Variants in MYO10 observed in about 807,000 individuals in gnomAD.
The protein encoded by MYO10 is myosin X.
Under a neutral mutation model 257.3 loss-of-function variants are expected in MYO10, and 133 were observed. That is an observed-to-expected ratio of 0.52 (90% CI 0.45 to 0.60). The LOEUF (loss-of-function observed/expected upper bound fraction) is 0.60, where lower values mean the gene tolerates loss of function less well. Ranked by LOEUF, MYO10 falls within the 20% of genes least tolerant of loss-of-function variation. MYO10 has a pLI of 0.00. For missense variants in MYO10, 2,399 were observed against 2,635.7 expected (o/e 0.91, Z 1.97); for synonymous variants, 1,104 against 1,028.6 (o/e 1.07, Z -1.40).
intron 19 of MYO10, among the ~76,000 whole-genome samples, chr5:16,749,679 T>C (rs541057090): frequency 2.6e-4 from 40 of 152,224 alleles, no homozygotes; most frequent in African/African-American, 9.1e-4. Flanking sequence ...ACCCATGACG[T>C]TTCCTTCCTA....
chr5:16,699,402 C>T lies in MYO10; in HGVS notation c.3556+48G>A, dbSNP rs763260895. ...CCATCCATCAGCCCGGATAAAATAA[C>T]GCCTCGCTCTCCCCCTAACCCAGAC... On this transcript the variant is annotated intron_variant, in intron 26 of 40. Coordinates refer to ENST00000513610, the MANE Select transcript of MYO10 (RefSeq NM_012334.3). 1.5e-5 allele frequency: 24 copies of T among 1,589,324 alleles called. No homozygotes were observed. The Admixed American group carries it at 2.6e-4, about 17-fold the overall frequency.
At chr5:16,925,800 T>A (rs1746115387) in intron 1 of MYO10, among the ~76,000 whole-genome samples, 1 of 152,190 alleles carries the variant, frequency 6.6e-6, no homozygotes, top group South Asian at 2.1e-4. Flanking sequence ...AATCACAATA[T>A]CAGCAATAAT....
At chr5:16,795,891 G>A (rs1189136428) in intron 3 of MYO10, among the ~76,000 whole-genome samples, 1 of 152,102 alleles carries the variant, frequency 6.6e-6, no homozygotes, top group East Asian at 1.9e-4. Flanking sequence ...TGACCATTTC[G>A]AAAATGCTAG....
chr5:16,840,736 G>A (rs1472421559), intron 2 of MYO10, among the ~76,000 whole-genome samples: 3 of 152,020 alleles, frequency 2.0e-5, no homozygotes, highest in Admixed American at 6.6e-5. Flanking sequence ...ACAAAAATAT[G>A]CAAGCCCATA....
intron 19 of MYO10, among the ~76,000 whole-genome samples, chr5:16,743,342 C>A (rs1057511282): frequency 6.6e-6 from 1 of 151,952 alleles, no homozygotes. Flanking sequence ...CTATAGTGAG[C>A]AACAGAAACT....
chr5:16,695,266 G>A (rs940422677), intron 26 of MYO10, among the ~76,000 whole-genome samples: 13 of 152,160 alleles, frequency 8.5e-5, no homozygotes, highest in African/African-American at 2.9e-4. Flanking sequence ...TCCGGGAGGA[G>A]GAGGTTGCAG....
chr5:16,871,207 A>G (rs148453952), intron 2 of MYO10, among the ~76,000 whole-genome samples: 1 of 152,294 alleles, frequency 6.6e-6, no homozygotes, highest in East Asian at 1.9e-4. Flanking sequence ...AGAAATACCA[A>G]TATCTTAACA....
rs186440014 is a variant in MYO10 at position 16,864,259 on chromosome 5, T to C, written c.120+13350A>G. Among the ~76,000 whole-genome samples the C allele has an allele frequency of 1.5e-3, 231 of 152,272 alleles. 2 individuals carry two copies. The highest frequency in any genetic ancestry group is 5.5e-3 in the African/African-American group (229 of 41,542). ...AAGCATGCGCCATTCTGATGACTTATTTGGCTTCATGCTGATTACAAATGG... is the reference window on the plus strand; with the variant it reads ...AAGCATGCGCCATTCTGATGACTTACTTGGCTTCATGCTGATTACAAATGG... On this transcript the variant is annotated intron_variant, in intron 2 of 40. Coordinates refer to ENST00000513610, the MANE Select transcript of MYO10 (RefSeq NM_012334.3).
At chr5:16,673,964 G>A in intron 35 of MYO10, 75 bp from the exon 36 acceptor site, 15 of 1,373,482 alleles carry the variant, frequency 1.1e-5, no homozygotes, top group Non-Finnish European at 1.4e-5. Flanking sequence ...GCTGTGCCAA[G>A]GTTCTGTAGA....
chr5:16,730,104 G>GA (rs1739523560), intron 19 of MYO10, among the ~76,000 whole-genome samples: 1 of 152,062 alleles, frequency 6.6e-6, no homozygotes, highest in Non-Finnish European at 1.5e-5. Flanking sequence ...GATGCTCATT[G>GA]AAAAAAATGG....
chr5:16,715,484 G>A (rs1229814685), intron 19 of MYO10, among the ~76,000 whole-genome samples: 3 of 132,236 alleles, frequency 2.3e-5, no homozygotes, highest in Non-Finnish European at 4.7e-5. Flanking sequence ...ATTTTTAGTA[G>A]AGATGGGGTT....
At chr5:16,815,662 AG>A (rs1280722287) in intron 3 of MYO10, among the ~76,000 whole-genome samples, 1 of 152,218 alleles carries the variant, frequency 6.6e-6, no homozygotes, top group Non-Finnish European at 1.5e-5. Context: ...GTAAACAAAT[AG>A]TTACACGACA....
At chr5:16,803,882 G>C (rs1407129207) in intron 3 of MYO10, among the ~76,000 whole-genome samples, 1 of 152,076 alleles carries the variant, frequency 6.6e-6, no homozygotes, top group Non-Finnish European at 1.5e-5. Context: ...CCTCCATTTA[G>C]TACCTATGGC....
chr5:16,744,372 G>A (rs377686648), intron 19 of MYO10, among the ~76,000 whole-genome samples: 8 of 152,066 alleles, frequency 5.3e-5, no homozygotes, highest in Non-Finnish European at 1.0e-4. Flanking sequence ...AAGGACGCCC[G>A]GCCACACAAG....
chr5:16,917,991 T>C (rs1056697092), intron 1 of MYO10, among the ~76,000 whole-genome samples: 2 of 152,226 alleles, frequency 1.3e-5, no homozygotes, highest in Non-Finnish European at 2.9e-5. Context: ...CTTTTTAAAC[T>C]ACAGAATACG....
At chr5:16,813,372 A>C (rs1213696264) in intron 3 of MYO10, among the ~76,000 whole-genome samples, 3 of 152,172 alleles carry the variant, frequency 2.0e-5, no homozygotes, top group Non-Finnish European at 4.4e-5. Context: ...AATTAAAAAA[A>C]CTTAAAAATT....
chr5:16,742,859 G>C (rs1484214630), intron 19 of MYO10, among the ~76,000 whole-genome samples: 5 of 151,656 alleles, frequency 3.3e-5, no homozygotes, highest in African/African-American at 4.8e-5. Flanking sequence ...GATGGCTCAC[G>C]CCTGTAATCC....
intron 19 of MYO10, among the ~76,000 whole-genome samples, chr5:16,727,679 A>C (rs2126610065): frequency 6.6e-6 from 1 of 152,324 alleles, no homozygotes. Context: ...ATTTATATTT[A>C]GTTTTCAGGG....
chr5:16,891,436 C>A (rs1422334948), intron 1 of MYO10, among the ~76,000 whole-genome samples: 1 of 151,256 alleles, frequency 6.6e-6, no homozygotes, highest in African/African-American at 2.4e-5. Context: ...GAAAAGAAAG[C>A]TCACTGGTGG....
Sources: allele counts gnomAD v4.1 joint callset (sites outside exome capture counted in the v4.1 genomes callset), GRCh38; gene constraint gnomAD v4.1.1; transcripts MANE v1.5; gene names NCBI Gene and HGNC (gene_info 2026-07-23, HGNC 2026-07-21).